Variants in MALRD1 observed in about 807,000 individuals in gnomAD.
MALRD1 encodes the protein MAM and LDL receptor class A domain containing 1.
In MALRD1, 247 loss-of-function variants were observed where a neutral mutation model predicts 242.1. The observed-to-expected ratio is 1.02, with a 90% confidence interval of 0.92 to 1.13. MALRD1 has a LOEUF of 1.13. MALRD1 is among the 50% of genes most tolerant of loss of function. The pLI is 0.00. For synonymous variants in MALRD1, 995 were observed against 866.6 expected, an observed-to-expected ratio of 1.15 and a Z score of -2.60; for missense variants, 2,989 against 2,533.1, an observed-to-expected ratio of 1.18 and a Z score of -3.86.
intron 1 of MALRD1, among the ~76,000 whole-genome samples, chr10:19,054,685 C>T (rs922540241): frequency 1.2e-4 from 18 of 152,152 alleles, no homozygotes; most frequent in African/African-American, 2.7e-4. Context: ...GCTTGTTTCA[C>T]TTAGCATAAT....
At chr10:19,428,335 T>C (rs1833980666) in intron 28 of MALRD1, among the ~76,000 whole-genome samples, 1 of 152,136 alleles carries the variant, frequency 6.6e-6, no homozygotes, top group African/African-American at 2.4e-5. Context: ...CCTTGGAAAC[T>C]GCTTCAGAAA....
intron 2 of MALRD1, among the ~76,000 whole-genome samples, chr10:19,077,919 A>G (rs1427122986): frequency 6.6e-6 from 1 of 151,868 alleles, no homozygotes; most frequent in Non-Finnish European, 1.5e-5. Flanking sequence ...TAAGTCGTGC[A>G]TTGTTTTCAT....
intron 17 of MALRD1, among the ~76,000 whole-genome samples, chr10:19,208,510 C>T (rs1218702441): frequency 6.6e-6 from 1 of 152,028 alleles, no homozygotes. Flanking sequence ...GTAATACTGC[C>T]ATTGAAGGAT....
intron 26 of MALRD1, among the ~76,000 whole-genome samples, chr10:19,385,551 T>C (rs1846038411): frequency 6.6e-6 from 1 of 152,108 alleles, no homozygotes; most frequent in African/African-American, 2.4e-5. Context: ...GAAGTCTCAA[T>C]GATCCTTTAT....
intron 18 of MALRD1, among the ~76,000 whole-genome samples, chr10:19,250,823 C>G (rs1396739837): frequency 6.6e-6 from 1 of 150,770 alleles, no homozygotes; most frequent in Admixed American, 6.6e-5. Context: ...CTCTCTGCCT[C>G]TCTCTCTCTC....
intron 19 of MALRD1, among the ~76,000 whole-genome samples, chr10:19,271,107 G>A (rs147513023): frequency 0.014 from 2,205 of 152,114 alleles, 30 homozygotes; most frequent in Middle Eastern, 0.041. Flanking sequence ...TACATACCCC[G>A]TAACCAAGCA....
At chr10:19,497,092 A>T (rs1837752906) in intron 30 of MALRD1, among the ~76,000 whole-genome samples, 1 of 152,122 alleles carries the variant, frequency 6.6e-6, no homozygotes, top group African/African-American at 2.4e-5. Flanking sequence ...ATAGAAAAGG[A>T]TGCGGAATAA....
At chr10:19,462,045 A>G (rs750035654) in intron 29 of MALRD1, among the ~76,000 whole-genome samples, 1 of 152,170 alleles carries the variant, frequency 6.6e-6, no homozygotes, top group East Asian at 1.9e-4. Flanking sequence ...GATACATTAG[A>G]CAAACATGCC....
chr10:19,661,378 A>G (rs1044855985), intron 36 of MALRD1, among the ~76,000 whole-genome samples: 15 of 152,186 alleles, frequency 9.9e-5, no homozygotes, highest in Non-Finnish European at 1.6e-4. Context: ...AAGACTTGGA[A>G]CCAACCCAAA....
At chr10:19,090,609 G>A in intron 4 of MALRD1, among the ~76,000 whole-genome samples, 1 of 11,704 alleles carries the variant, frequency 8.5e-5, no homozygotes, top group Non-Finnish European at 1.3e-4. Flanking sequence ...GCCCTGGCCA[G>A]AACTTCCAAC....
chr10:19,276,805 A>C (rs1840548561), intron 19 of MALRD1, among the ~76,000 whole-genome samples: 1 of 152,100 alleles, frequency 6.6e-6, no homozygotes, highest in Non-Finnish European at 1.5e-5. Flanking sequence ...TAAAGTTTCC[A>C]ACCTGTTAGG....
intron 28 of MALRD1, among the ~76,000 whole-genome samples, chr10:19,405,391 T>C (rs1179673049): frequency 6.6e-6 from 1 of 152,178 alleles, no homozygotes; most frequent in African/African-American, 2.4e-5. Context: ...CTCAGCATTG[T>C]GTACTTTTCC....
chr10:19,179,809 A>G (rs1204897412), intron 14 of MALRD1, among the ~76,000 whole-genome samples: 1 of 152,194 alleles, frequency 6.6e-6, no homozygotes, highest in Non-Finnish European at 1.5e-5. Context: ...TAGTGTATCA[A>G]TAAATAGTTC....
intron 24 of MALRD1, among the ~76,000 whole-genome samples, chr10:19,346,233 A>G (rs955369696): frequency 2.0e-5 from 3 of 152,202 alleles, no homozygotes; most frequent in Non-Finnish European, 4.4e-5. Context: ...TTTGATGCCA[A>G]GTGCAATAGA....
chr10:19,108,135 T>G (rs1300108583), intron 5 of MALRD1, among the ~76,000 whole-genome samples: 1 of 152,130 alleles, frequency 6.6e-6, no homozygotes, highest in Non-Finnish European at 1.5e-5. Flanking sequence ...TGCAAAACTT[T>G]GTCTGCTTAA....
At chr10:19,719,386 T>G (rs1834636668) in intron 38 of MALRD1, among the ~76,000 whole-genome samples, 1 of 151,056 alleles carries the variant, frequency 6.6e-6, no homozygotes, top group Non-Finnish European at 1.5e-5. Context: ...CAGCCTGGGT[T>G]TTCTTTAAGA....
chr10:19,437,897 C>T (rs952298258), intron 28 of MALRD1, among the ~76,000 whole-genome samples: 1 of 151,862 alleles, frequency 6.6e-6, no homozygotes, highest in Admixed American at 6.6e-5. Flanking sequence ...CTTAATAGAC[C>T]CAGTTCTTTA....
chr10:19,050,693 C>T (rs979336228), intron 1 of MALRD1, among the ~76,000 whole-genome samples: 3 of 152,142 alleles, frequency 2.0e-5, no homozygotes, highest in East Asian at 1.9e-4. Context: ...TCCCCAGAGA[C>T]GCTAACTGTG....
rs191180125 is a variant in MALRD1 at position 19,225,282 on chromosome 10, G to T, written c.2991+15602G>T. On this transcript the variant is annotated intron_variant, in intron 18 of 39. Transcript: ENST00000454679. ...TCCAGGAATGTTGGAAATAGAGAATGGAGATAATGGAGATAAAGAAAAGTT... is the reference window on the plus strand; with the variant it reads ...TCCAGGAATGTTGGAAATAGAGAATTGAGATAATGGAGATAAAGAAAAGTT... Among the ~76,000 whole-genome samples the T allele has an allele frequency of 8.6e-3, 1,311 of 152,218 alleles. 21 individuals are homozygous for T. Among genetic ancestry groups the T allele is most frequent in the African/African-American group, 0.03 (1,247 of 41,544 alleles).
Sources: gnomAD v4.1 joint callset for allele counts (sites outside exome capture counted in the v4.1 genomes callset) on GRCh38, gnomAD v4.1.1 for gene constraint, MANE v1.5 for transcripts, NCBI Gene and HGNC (gene_info 2026-07-23, HGNC 2026-07-21) for gene names.